Variants in SRGAP2 observed in about 807,000 individuals in gnomAD.
The protein encoded by SRGAP2 is SLIT-ROBO Rho GTPase-activating protein 2.
SRGAP2 carries 15 observed loss-of-function variants against 57.2 expected under a neutral mutation model. The ratio of observed to expected loss-of-function variants is 0.26; its 90% CI spans 0.18 to 0.40. The LOEUF is 0.40. SRGAP2 is among the 10% of genes least tolerant of loss of function. The probability of loss-of-function intolerance (pLI) is 1.00; values close to 1 mark genes in which losing one functional copy is unlikely to be tolerated. For missense variants in SRGAP2, 520 were observed against 669.6 expected (o/e 0.78, Z 2.47); for synonymous variants, 249 against 248.0 (o/e 1.00, Z -0.04).
At chr1:206,329,915 C>T (rs1674231301) in intron 3 of SRGAP2, among the ~76,000 whole-genome samples, 2 of 89,028 alleles carry the variant, frequency 2.2e-5, no homozygotes, top group African/African-American at 4.4e-5. Context: ...CAGTTTTTGC[C>T]CATTCAGTAT....
chr1:206,331,787 TG>T (rs1193967868), intron 3 of SRGAP2, among the ~76,000 whole-genome samples: 2 of 111,774 alleles, frequency 1.8e-5, no homozygotes, highest in African/African-American at 1.0e-4. Flanking sequence ...GTCTTTTAAG[TG>T]GAGAATTTAG....
At chr1:206,263,083 A>G (rs1293851381) in intron 2 of SRGAP2, among the ~76,000 whole-genome samples, 6 of 150,536 alleles carry the variant, frequency 4.0e-5, no homozygotes, top group Non-Finnish European at 8.9e-5. Flanking sequence ...TTTTTTTCCT[A>G]TAAAGGTTCT....
intron 4 of SRGAP2, among the ~76,000 whole-genome samples, chr1:206,377,797 T>C (rs1315653753): frequency 7.3e-5 from 1 of 13,752 alleles, no homozygotes; most frequent in African/African-American, 3.4e-4. Context: ...TCTTTATTGC[T>C]CACTCCCTAA....
intron 14 of SRGAP2, among the ~76,000 whole-genome samples, chr1:206,435,973 C>T (rs976015059): frequency 5.3e-5 from 8 of 152,160 alleles, no homozygotes; most frequent in Non-Finnish European, 7.3e-5. Flanking sequence ...CAGTGCCTAG[C>T]ACAATGTCTG....
At chr1:206,371,554 C>A (rs1465381215) in intron 4 of SRGAP2, among the ~76,000 whole-genome samples, 1 of 149,140 alleles carries the variant, frequency 6.7e-6, no homozygotes, top group African/African-American at 2.5e-5. Flanking sequence ...CATGGTGAAA[C>A]CCCATCTCTA....
At chr1:206,366,356 G>A (rs1482885304) in intron 4 of SRGAP2, among the ~76,000 whole-genome samples, 1 of 152,200 alleles carries the variant, frequency 6.6e-6, no homozygotes, top group African/African-American at 2.4e-5. Context: ...TTAGTGTCAA[G>A]GGGGGTGGAG....
rs782792391 is a variant in SRGAP2 at position 206,446,210 on chromosome 1, C to T, written c.2010C>T (p.Thr670=). The change falls in exon 18 of 23, where the codon ACC becomes ACT. Residue 670 remains threonine, a synonymous_variant. Coordinates refer to ENST00000573034, the MANE Select transcript of SRGAP2 (RefSeq NM_015326.5). ...CQAHVNELIK[T]IIIQHENIFP... ...CCCACGTGAATGAGCTGATCAAAACCATCATCATCCAGCATGAGAACATCT... is the reference window on the plus strand; with the variant it reads ...CCCACGTGAATGAGCTGATCAAAACTATCATCATCCAGCATGAGAACATCT... 12 of 780,814 alleles carry T rather than the reference C, an allele frequency of 1.5e-5. No individual in the cohort carries two copies. The highest frequency in any genetic ancestry group is 1.5e-4 in the South Asian group (11 of 74,630). The allele number at this position is 780,814 out of a possible 1,614,324, so 48.4% of individuals were successfully genotyped here. A position where few individuals can be genotyped will look rare whatever the true frequency, so the allele number is the denominator to read the frequency against.
At chr1:206,459,614 T>A (rs1430180921) in intron 22 of SRGAP2, among the ~76,000 whole-genome samples, 1 of 152,122 alleles carries the variant, frequency 6.6e-6, no homozygotes, top group Non-Finnish European at 1.5e-5. Context: ...AAAATCCGAC[T>A]ACCGGGGCCA....
intron 2 of SRGAP2, among the ~76,000 whole-genome samples, chr1:206,221,799 A>C (rs1253878190): frequency 1.3e-5 from 1 of 78,844 alleles, no homozygotes; most frequent in Non-Finnish European, 2.5e-5. Context: ...ATAGTCTAAC[A>C]GTGAGTAATG....
chr1:206,404,535 T>C (rs1178706508), intron 8 of SRGAP2, among the ~76,000 whole-genome samples: 1 of 148,736 alleles, frequency 6.7e-6, no homozygotes, highest in Non-Finnish European at 1.5e-5. Flanking sequence ...CCTCATCCCA[T>C]AACCACATCT....
intron 5 of SRGAP2, among the ~76,000 whole-genome samples, chr1:206,389,566 TC>T (rs1218491957): frequency 6.6e-6 from 1 of 152,126 alleles, no homozygotes; most frequent in Non-Finnish European, 1.5e-5. Flanking sequence ...GTGATATAAA[TC>T]TGGCTGCTTC....
At chr1:206,270,576 A>T (rs1670128132) in intron 2 of SRGAP2, among the ~76,000 whole-genome samples, 1 of 149,816 alleles carries the variant, frequency 6.7e-6, no homozygotes, top group Non-Finnish European at 1.5e-5. Flanking sequence ...AATTGGAAAC[A>T]ATGGCAGGTA....
chr1:206,412,388 G>A (rs1659295949), intron 10 of SRGAP2, among the ~76,000 whole-genome samples: 1 of 152,158 alleles, frequency 6.6e-6, no homozygotes, highest in African/African-American at 2.4e-5. Flanking sequence ...AAAGTTGTTG[G>A]GGGTGGGCAC....
chr1:206,354,424 C>T (rs753490938), intron 4 of SRGAP2, among the ~76,000 whole-genome samples: 2 of 152,036 alleles, frequency 1.3e-5, no homozygotes, highest in Non-Finnish European at 2.9e-5. Flanking sequence ...CATGGGAAGC[C>T]CAAGATGTTT....
chr1:206,389,737 CAGAG>C (rs1279542182), intron 5 of SRGAP2, among the ~76,000 whole-genome samples: 9 of 150,698 alleles, frequency 6.0e-5, no homozygotes, highest in African/African-American at 2.0e-4. Flanking sequence ...GTGTGGCTGT[CAGAG>C]GGAGCAGAGC....
At chr1:206,253,389 C>T (rs1156671898) in intron 2 of SRGAP2, among the ~76,000 whole-genome samples, 1 of 150,980 alleles carries the variant, frequency 6.6e-6, no homozygotes, top group Admixed American at 6.6e-5. Flanking sequence ...CTTGCTCTTT[C>T]GCTCTCTCTT....
chr1:206,359,868 G>T (rs1336368025), intron 4 of SRGAP2, among the ~76,000 whole-genome samples: 1 of 138,110 alleles, frequency 7.2e-6, no homozygotes, highest in South Asian at 2.4e-4. Flanking sequence ...GTGCAGTGGC[G>T]GGATCTCGGC....
intron 17 of SRGAP2, 51 bp from the exon 18 acceptor site, chr1:206,446,024 G>T: frequency 1.3e-6 from 1 of 769,050 alleles, no homozygotes; most frequent in Admixed American, 1.7e-5. Context: ...TGTGTTTTCT[G>T]GGCATTCATG....
chr1:206,289,093 A>T, intron 2 of SRGAP2, among the ~76,000 whole-genome samples: 1 of 117,380 alleles, frequency 8.5e-6, no homozygotes, highest in Non-Finnish European at 1.7e-5. Context: ...AAATATATAC[A>T]GTAGAGAGAC....
Sources: gnomAD v4.1 joint callset for allele counts (sites outside exome capture counted in the v4.1 genomes callset) on GRCh38, gnomAD v4.1.1 for gene constraint, MANE v1.5 for transcripts, NCBI Gene and HGNC (gene_info 2026-07-23, HGNC 2026-07-21) for gene names.